RGS18: variants seen among roughly 807,000 people sequenced by gnomAD.
RGS18 encodes the protein regulator of G-protein signaling 18.
In RGS18, 22 loss-of-function variants were observed where a neutral mutation model predicts 27.6. The ratio of observed to expected loss-of-function variants is 0.80; its 90% CI spans 0.57 to 1.14. RGS18 has a LOEUF of 1.14. Ranked by LOEUF, RGS18 falls within the 50% of genes most tolerant of loss-of-function variation. The pLI is 0.00. For missense variants in RGS18, 299 were observed against 269.6 expected (o/e 1.11, Z -0.76); for synonymous variants, 89 against 84.6 (o/e 1.05, Z -0.29).
intron 4 of RGS18, 123 bp from the exon 5 acceptor site, chr1:192,184,174 C>G: frequency 1.2e-6 from 1 of 839,908 alleles, no homozygotes; most frequent in Non-Finnish European, 1.8e-6. Flanking sequence ...TACACACATC[C>G]AAACTATATC....
chr1:192,162,807 C>T (rs951703869), intron 3 of RGS18, among the ~76,000 whole-genome samples: 11 of 152,044 alleles, frequency 7.2e-5, no homozygotes, highest in Non-Finnish European at 1.6e-4. Flanking sequence ...TACTGCACTG[C>T]CCTTTAGACT....
At position 192,158,593 on chromosome 1, in the gene RGS18, G is replaced by A. The variant is rs370677244; in HGVS notation, c.-45G>A. The A allele has an allele frequency of 5.4e-6, 8 of 1,472,752 alleles. No homozygotes were observed. In the African/African-American group the frequency reaches 1.0e-4, roughly 19 times the overall value. The allele number at this position is 1,472,752 out of a possible 1,614,324, so 91.2% of individuals were successfully genotyped here. ...TGGAATAGTATTAATAAATGAACTA[G>A]GGAAGGATGTAATAAATTAGACATC... On this transcript the variant is annotated 5_prime_UTR_variant, in exon 1 of 5. It removes the in-frame stop codon of an upstream open reading frame in the 5' UTR. Coordinates refer to ENST00000367460, the MANE Select transcript of RGS18 (RefSeq NM_130782.3).
chr1:192,160,215 T>C (rs1043667730), intron 2 of RGS18, among the ~76,000 whole-genome samples, 163 bp from the exon 3 acceptor site: 10 of 152,224 alleles, frequency 6.6e-5, no homozygotes, highest in African/African-American at 2.4e-4. Flanking sequence ...AATTGAACAA[T>C]GTTTTCAAAG....
chr1:192,178,776 A>G (rs1245132975), intron 3 of RGS18, among the ~76,000 whole-genome samples: 1 of 151,692 alleles, frequency 6.6e-6, no homozygotes. Context: ...CAGTAGCTAC[A>G]GGAATATTTG....
chr1:192,172,064 G>A (rs1656268061), intron 3 of RGS18, among the ~76,000 whole-genome samples: 1 of 152,038 alleles, frequency 6.6e-6, no homozygotes, highest in Admixed American at 6.6e-5. Context: ...TGCAGTTATA[G>A]ACCAACTACT....
chr1:192,184,167 A>G lies in RGS18; in HGVS notation c.451-130A>G, dbSNP rs971920845. On this transcript the variant is annotated intron_variant, in intron 4 of 4. Transcript: ENST00000367460. Reference sequence around the variant, plus strand: ...TAAACATGAGGTTTGGGCAGGCTACACACATCCAAACTATATCTGCTTCTA... The same window carrying G: ...TAAACATGAGGTTTGGGCAGGCTACGCACATCCAAACTATATCTGCTTCTA... 9.2e-6 allele frequency: 7 copies of G among 761,026 alleles called. 1 individual carries two copies. Among genetic ancestry groups the G allele is most frequent in the African/African-American group, 1.8e-5 (1 of 56,408 alleles). 47.1% of individuals were successfully genotyped at this position (761,026 alleles called of 1,614,324 possible). A position where few individuals can be genotyped will look rare whatever the true frequency, so the allele number is the denominator to read the frequency against.
At chr1:192,168,134 T>G (rs1230305361) in intron 3 of RGS18, 1 of 152,210 alleles carries the variant, frequency 6.6e-6, no homozygotes, top group Non-Finnish European at 1.5e-5. Context: ...AAGGACTGTT[T>G]AGTAAGTTAC....
At chr1:192,166,141 T>C (rs1415562377) in intron 3 of RGS18, among the ~76,000 whole-genome samples, 1 of 152,212 alleles carries the variant, frequency 6.6e-6, no homozygotes, top group Non-Finnish European at 1.5e-5. Context: ...TTTTTATTTG[T>C]ATACATATAT....
chr1:192,171,390 T>G (rs1291499664), intron 3 of RGS18, among the ~76,000 whole-genome samples: 4 of 152,114 alleles, frequency 2.6e-5, no homozygotes, highest in Non-Finnish European at 1.5e-5. Flanking sequence ...TACTAGCATT[T>G]CAGGACTGCA....
At chr1:192,159,459 G>C (rs1303088791) in intron 2 of RGS18, 138 bp downstream of exon 2, 2 of 631,810 alleles carry the variant, frequency 3.2e-6, no homozygotes. Flanking sequence ...CATTTGAAGA[G>C]ACTAGAAATA....
intron 3 of RGS18, among the ~76,000 whole-genome samples, chr1:192,173,201 G>T (rs1656294097): frequency 6.6e-6 from 1 of 151,840 alleles, no homozygotes; most frequent in Admixed American, 6.6e-5. Flanking sequence ...TTAAAAAAAT[G>T]TGGTAATCTA....
At chr1:192,183,710 A>G (rs564774320) in intron 4 of RGS18, among the ~76,000 whole-genome samples, 1 of 151,812 alleles carries the variant, frequency 6.6e-6, no homozygotes, top group African/African-American at 2.4e-5. Context: ...TAACAAATGA[A>G]TGGATAAATG....
At chr1:192,177,593 A>G (rs1571392710) in intron 3 of RGS18, among the ~76,000 whole-genome samples, 1 of 151,898 alleles carries the variant, frequency 6.6e-6, no homozygotes, top group East Asian at 1.9e-4. Context: ...TACCCGGCAC[A>G]GTAGAAGGCC....
chr1:192,183,785 T>TA (rs34633292), intron 4 of RGS18, among the ~76,000 whole-genome samples: 5 of 151,692 alleles, frequency 3.3e-5, no homozygotes, highest in Admixed American at 6.6e-5. Context: ...TGATACATGC[T>TA]AAAAAAACAG....
intron 4 of RGS18, among the ~76,000 whole-genome samples, chr1:192,182,894 A>G (rs2102161773): frequency 6.6e-6 from 1 of 151,686 alleles, no homozygotes; most frequent in Non-Finnish European, 1.5e-5. Flanking sequence ...CTTTAGGGAT[A>G]CTTTAAAGAC....
chr1:192,165,989 A>G (rs1656156832), intron 3 of RGS18, among the ~76,000 whole-genome samples: 1 of 152,198 alleles, frequency 6.6e-6, no homozygotes, highest in Admixed American at 6.5e-5. Context: ...ATCAAACTAT[A>G]TCTGTCATTC....
chr1:192,174,887 G>T (rs908614488), intron 3 of RGS18, among the ~76,000 whole-genome samples: 15 of 151,650 alleles, frequency 9.9e-5, no homozygotes, highest in Admixed American at 3.9e-4. Flanking sequence ...TCATTTAAAT[G>T]TTATCTCATC....
At chr1:192,181,678 A>G (rs113704603) in intron 4 of RGS18, among the ~76,000 whole-genome samples, 36 of 151,732 alleles carry the variant, frequency 2.4e-4, no homozygotes, top group African/African-American at 8.2e-4. Context: ...ATCAAATTAA[A>G]CATTTATCAT....
rs777498864 is a variant in RGS18 at position 192,184,303 on chromosome 1, C to T, written c.457C>T (p.Leu153Phe). Residue 153 changes from leucine to phenylalanine, a missense_variant, in exon 5 of 5, where the codon CTT (leucine) becomes TTT (phenylalanine). Leu to Phe is a conservative substitution (Grantham distance 22). Transcript: ENST00000367460. ...TTTTTTTCTGTTTATCCAGGTTAACCTTGATTTTCACACAAAAGAAGTCAT... is the reference window on the plus strand; with the variant it reads ...TTTTTTTCTGTTTATCCAGGTTAACTTTGATTTTCACACAAAAGAAGTCAT... ...IQTDAPKEVN[L>F]DFHTKEVITN... 8.7e-6 allele frequency: 14 copies of T among 1,606,078 alleles called. No homozygotes were observed. The African/African-American group carries it at 1.9e-4, about 22-fold the overall frequency.
Sources: gnomAD v4.1 joint callset for allele counts (sites outside exome capture counted in the v4.1 genomes callset) on GRCh38, gnomAD v4.1.1 for gene constraint, MANE v1.5 for transcripts, NCBI Gene and HGNC (gene_info 2026-07-23, HGNC 2026-07-21) for gene names.